Variants in DRD3 observed in about 807,000 individuals in gnomAD.
The protein encoded by DRD3 is D(3) dopamine receptor.
A neutral mutation model predicts 36.3 loss-of-function variants in DRD3; 19 were observed. That is an observed-to-expected ratio of 0.52 (90% CI 0.36 to 0.77). The LOEUF (loss-of-function observed/expected upper bound fraction) is 0.77, where lower values mean the gene tolerates loss of function less well. Ranked by LOEUF, DRD3 falls within the 30% of genes least tolerant of loss-of-function variation. The probability of loss-of-function intolerance (pLI) is 0.00; values close to 1 mark genes in which losing one functional copy is unlikely to be tolerated. For synonymous variants in DRD3, 195 were observed against 203.7 expected, an observed-to-expected ratio of 0.96 and a Z score of 0.36; for missense variants, 465 against 505.3, an observed-to-expected ratio of 0.92 and a Z score of 0.77.
intron 1 of DRD3, among the ~76,000 whole-genome samples, chr3:114,189,730 G>A (rs1424525680): frequency 6.6e-6 from 1 of 152,190 alleles, no homozygotes; most frequent in African/African-American, 2.4e-5. Context: ...ACACTAGGAG[G>A]CTTCATACCT....
At chr3:114,183,293 G>A (rs1464180352), upstream of DRD3, among the ~76,000 whole-genome samples, 2 of 152,134 alleles carry the variant, frequency 1.3e-5, no homozygotes, top group East Asian at 1.9e-4. Flanking sequence ...GGAAGACTTT[G>A]TATGACATTT....
At chr3:114,177,756 A>G (rs1302448955) in intron 1 of DRD3, among the ~76,000 whole-genome samples, 4 of 152,214 alleles carry the variant, frequency 2.6e-5, no homozygotes, top group Non-Finnish European at 5.9e-5. Flanking sequence ...AACTACAAAT[A>G]AATGAGTGCC....
chr3:114,156,765 T>G (rs866180724), intron 3 of DRD3, among the ~76,000 whole-genome samples: 1,340 of 114,160 alleles, frequency 0.012, 27 homozygotes, highest in African/African-American at 0.039. Flanking sequence ...CTTTCTTTCT[T>G]TCTTTCTTTC....
chr3:114,170,240 T>C lies in DRD3; in HGVS notation c.270+1483A>G, dbSNP rs1051811784. On this transcript the variant is annotated intron_variant, in intron 2 of 6. Transcript: ENST00000383673. ...TCCCCAAAAAGTCTGAGTGTAACAA[T>C]AGATAGAGAGGCAGATGGTATTAGC... 7.2e-5 allele frequency among the ~76,000 whole-genome samples: 11 copies of C among 152,292 alleles called. No homozygotes were observed. In the East Asian group the frequency reaches 9.6e-4, roughly 13 times the overall value.
At chr3:114,170,950 A>G (rs1241807086) in intron 2 of DRD3, among the ~76,000 whole-genome samples, 1 of 152,176 alleles carries the variant, frequency 6.6e-6, no homozygotes, top group Non-Finnish European at 1.5e-5. Flanking sequence ...TTGAACAGAT[A>G]TGGTCACCCT....
At chr3:114,152,865 GGA>G (rs1371637843) in intron 3 of DRD3, among the ~76,000 whole-genome samples, 1 of 152,256 alleles carries the variant, frequency 6.6e-6, no homozygotes, top group Non-Finnish European at 1.5e-5. Flanking sequence ...GGCTTGGCCG[GGA>G]GAGAGAGGCT....
intron 4 of DRD3, among the ~76,000 whole-genome samples, chr3:114,146,698 C>CAAA (rs72463214): frequency 1.7e-5 from 1 of 58,140 alleles, no homozygotes. Flanking sequence ...GACTTGGTCT[C>CAAA]AAAAAAAAAA....
At position 114,147,620 on chromosome 3, in the gene DRD3, C is replaced by CGTT. The variant is rs572850334; in HGVS notation, c.384-66_384-64dup. The CGTT allele has an allele frequency of 4.5e-4, 707 of 1,567,648 alleles. 3 individuals are homozygous for CGTT. The highest frequency in any genetic ancestry group is 1.3e-3 in the East Asian group (59 of 44,004). On this transcript the variant is annotated intron_variant, in intron 3 of 6. Coordinates refer to ENST00000383673, the MANE Select transcript of DRD3 (RefSeq NM_000796.6). The stretch of plus-strand genomic sequence containing the variant: ...ATGGAATGGGGTACTTTTCTTTCTG[C>CGTT]GTTGTTGTTGTTGTTGTTTTTGGAG...
intron 1 of DRD3, among the ~76,000 whole-genome samples, chr3:114,194,560 G>A (rs568214060): frequency 6.6e-6 from 1 of 152,352 alleles, no homozygotes; most frequent in East Asian, 1.9e-4. Flanking sequence ...AGGATTACAA[G>A]TGTGAGCCAC....
At chr3:114,190,438 A>G (rs1161319235) in intron 1 of DRD3, among the ~76,000 whole-genome samples, 317 of 10,416 alleles carry the variant, frequency 0.03, 11 homozygotes, top group Non-Finnish European at 0.048. Flanking sequence ...ATATATATAT[A>G]TATATATATA....
intron 2 of DRD3, among the ~76,000 whole-genome samples, chr3:114,166,798 A>G (rs2077789662): frequency 6.6e-6 from 1 of 152,194 alleles, no homozygotes; most frequent in Non-Finnish European, 1.5e-5. Flanking sequence ...ATGTCAGTAG[A>G]ATATGGCCAG....
intron 4 of DRD3, among the ~76,000 whole-genome samples, chr3:114,142,571 T>A (rs2077535500): frequency 6.6e-6 from 1 of 152,204 alleles, no homozygotes; most frequent in African/African-American, 2.4e-5. Context: ...ACATGCACAC[T>A]GTTGCAAGCA....
At chr3:114,175,644 G>A (rs1411426757) in intron 1 of DRD3, among the ~76,000 whole-genome samples, 1 of 152,100 alleles carries the variant, frequency 6.6e-6, no homozygotes. Context: ...GATCAGATGT[G>A]GAAAAAATAA....
intron 5 of DRD3, among the ~76,000 whole-genome samples, chr3:114,137,472 C>T (rs182036170): frequency 9.2e-4 from 140 of 152,352 alleles, no homozygotes; most frequent in Non-Finnish European, 1.6e-3. Flanking sequence ...TCTTGTTTCA[C>T]TCAAGCCTTG....
At chr3:114,152,143 C>T (rs778469928) in intron 3 of DRD3, among the ~76,000 whole-genome samples, 2 of 152,084 alleles carry the variant, frequency 1.3e-5, no homozygotes, top group Non-Finnish European at 2.9e-5. Flanking sequence ...TGGTGATTCG[C>T]GAGATCCTGG....
rs1311487094 is a variant in DRD3 at position 114,156,761 on chromosome 3, TTC to T, written c.383+2992_383+2993del. Among the ~76,000 whole-genome samples the T allele has an allele frequency of 1.4e-3, 148 of 104,834 alleles. 1 individual carries two copies. Among genetic ancestry groups the T allele is most frequent in the African/African-American group, 5.0e-3 (144 of 28,952 alleles). The allele number at this position is 104,834 out of a possible 152,430, so 68.8% of individuals were successfully genotyped here. On this transcript the variant is annotated intron_variant, in intron 3 of 6. Coordinates refer to ENST00000383673, the MANE Select transcript of DRD3 (RefSeq NM_000796.6). ...TCTTTCTTTTTCTTTCTTTCTTTCTTTCTTTCTTTCTTTCTTTCTTTCTTTCT... is the reference window on the plus strand; with the variant it reads ...TCTTTCTTTTTCTTTCTTTCTTTCTTTTTCTTTCTTTCTTTCTTTCTTTCT...
intron 2 of DRD3, among the ~76,000 whole-genome samples, chr3:114,170,506 T>A (rs1219657693): frequency 6.6e-6 from 1 of 152,164 alleles, no homozygotes; most frequent in Admixed American, 6.5e-5. Flanking sequence ...CTGGGAAGAA[T>A]AAATGCATAT....
chr3:114,185,577 A>G (rs532621408), intron 1 of DRD3, among the ~76,000 whole-genome samples: 7 of 152,158 alleles, frequency 4.6e-5, no homozygotes, highest in South Asian at 4.1e-4. Context: ...GTCTTTGTCT[A>G]GTAGATCTGC....
chr3:114,165,157 A>G (rs1272184458), intron 2 of DRD3, among the ~76,000 whole-genome samples: 3 of 152,258 alleles, frequency 2.0e-5, no homozygotes, highest in Non-Finnish European at 4.4e-5. Flanking sequence ...TTTCTTTAAT[A>G]ATTCATTAAA....
Sources: allele counts gnomAD v4.1 joint callset (sites outside exome capture counted in the v4.1 genomes callset), GRCh38; gene constraint gnomAD v4.1.1; transcripts MANE v1.5; gene names NCBI Gene and HGNC (gene_info 2026-07-23, HGNC 2026-07-21).